Variants in NAALADL2 observed in about 807,000 individuals in gnomAD.
NAALADL2 encodes inactive N-acetylated-alpha-linked acidic dipeptidase-like protein 2.
A neutral mutation model predicts 87.2 loss-of-function variants in NAALADL2; 76 were observed. The ratio of observed to expected loss-of-function variants is 0.87; its 90% CI spans 0.72 to 1.05. NAALADL2 has a LOEUF of 1.05. NAALADL2 is among the 50% of genes least tolerant of loss of function. NAALADL2 has a pLI of 0.00. For synonymous variants in NAALADL2, 354 were observed against 331.0 expected (o/e 1.07, Z -0.75); for missense variants, 1,089 against 945.8 (o/e 1.15, Z -1.99).
intron 1 of NAALADL2, among the ~76,000 whole-genome samples, chr3:174,526,856 T>C (rs965457003): frequency 5.7e-4 from 87 of 152,100 alleles, no homozygotes; most frequent in Admixed American, 5.4e-3. Context: ...TTTGTATTTT[T>C]ATTGGAGACG....
In NAALADL2 at chr3:175,790,240, C is replaced by G. The variant is rs866482438; in HGVS notation, c.2190-12765C>G. On this transcript the variant is annotated intron_variant, in intron 13 of 13. Transcript: ENST00000454872. ...TCTTCAGTGAAGCAGGGTCTGTGAA[C>G]AGGAGTCTGAGTAATGACAGATCTC... Among the ~76,000 whole-genome samples the G allele has an allele frequency of 4.6e-5, 7 of 152,174 alleles. 1 individual carries two copies. The highest frequency in any genetic ancestry group is 6.8e-3 in the Middle Eastern group (2 of 294).
intron 13 of NAALADL2, among the ~76,000 whole-genome samples, chr3:175,783,988 T>G (rs1057105635): frequency 1.4e-5 from 2 of 142,598 alleles, no homozygotes; most frequent in African/African-American, 2.8e-5. Context: ...TGGCTCTGTT[T>G]ATATGCTGGA....
At chr3:175,068,743 G>T (rs1304931559) in intron 1 of NAALADL2, among the ~76,000 whole-genome samples, 1 of 152,022 alleles carries the variant, frequency 6.6e-6, no homozygotes, top group Non-Finnish European at 1.5e-5. Context: ...ATAATTTATT[G>T]GTTTGTAAAC....
At chr3:175,464,647 T>C (rs1723701212) in intron 7 of NAALADL2, among the ~76,000 whole-genome samples, 1 of 152,150 alleles carries the variant, frequency 6.6e-6, no homozygotes, top group Non-Finnish European at 1.5e-5. Flanking sequence ...TTTCCATGAC[T>C]TTAGTAAAAT....
At chr3:175,349,287 GTATGTT>G (rs1165745467) in intron 5 of NAALADL2, among the ~76,000 whole-genome samples, 1 of 151,572 alleles carries the variant, frequency 6.6e-6, no homozygotes, top group Non-Finnish European at 1.5e-5. Flanking sequence ...CAGATCTGAA[GTATGTT>G]AAGCAACAAC....
rs528525177 is a variant in NAALADL2 at position 174,953,600 on chromosome 3, G to T, written c.43+94150G>T. Among the ~76,000 whole-genome samples, 31 of 152,006 alleles carry T rather than the reference G, an allele frequency of 2.0e-4. No homozygotes were observed. In the South Asian group the frequency reaches 6.2e-3, roughly 30 times the overall value. On this transcript the variant is annotated intron_variant, in intron 1 of 13. Transcript: ENST00000454872. ...AAATTTGGCTGGGTAGGTAGAGTGG[G>T]AGGATGCAGCCATGAATATATACAC... is the stretch of plus-strand genomic sequence containing the variant.
chr3:174,837,223 TAA>T (rs1723437199), intron 3 of NAALADL2, among the ~76,000 whole-genome samples: 1 of 152,108 alleles, frequency 6.6e-6, no homozygotes, highest in African/African-American at 2.4e-5. Flanking sequence ...TTTGAAAAGA[TAA>T]ATACAATTGA....
chr3:174,711,357 T>C (rs1385282831), intron 2 of NAALADL2, among the ~76,000 whole-genome samples: 2 of 152,192 alleles, frequency 1.3e-5, no homozygotes, highest in African/African-American at 4.8e-5. Context: ...CCCACCTCCA[T>C]GCAGGTAAAA....
At chr3:174,469,746 T>C (rs1440663610) in intron 1 of NAALADL2, among the ~76,000 whole-genome samples, 1 of 152,046 alleles carries the variant, frequency 6.6e-6, no homozygotes, top group Non-Finnish European at 1.5e-5. Context: ...ATTTTAAGGA[T>C]AGTGAAGCTC....
At chr3:175,475,801 T>G (rs1725612727) in intron 9 of NAALADL2, among the ~76,000 whole-genome samples, 1 of 152,144 alleles carries the variant, frequency 6.6e-6, no homozygotes, top group African/African-American at 2.4e-5. Flanking sequence ...CACTGTAACC[T>G]TAAACACCTG....
intron 3 of NAALADL2, among the ~76,000 whole-genome samples, chr3:174,795,818 T>C (rs1007279482): frequency 6.6e-6 from 1 of 152,230 alleles, no homozygotes; most frequent in African/African-American, 2.4e-5. Context: ...TTATTGGTCA[T>C]TTGCATATCT....
At chr3:175,393,264 G>A (rs1414161225) in intron 5 of NAALADL2, among the ~76,000 whole-genome samples, 1 of 100,434 alleles carries the variant, frequency 1.0e-5, no homozygotes, top group Non-Finnish European at 1.8e-5. Context: ...CTGGGCGACA[G>A]AGCGAGACTC....
chr3:174,623,236 C>T (rs1721215056), intron 2 of NAALADL2, among the ~76,000 whole-genome samples: 1 of 152,156 alleles, frequency 6.6e-6, no homozygotes, highest in Non-Finnish European at 1.5e-5. Flanking sequence ...TAAGCAGATA[C>T]TTGGAACACT....
chr3:175,454,100 A>T (rs1443168647), intron 6 of NAALADL2, among the ~76,000 whole-genome samples: 1 of 152,016 alleles, frequency 6.6e-6, no homozygotes, highest in Non-Finnish European at 1.5e-5. Context: ...TGTCTCATTA[A>T]TAGCAAATAA....
chr3:174,885,932 T>C (rs1003582656), intron 1 of NAALADL2, among the ~76,000 whole-genome samples: 1 of 114,606 alleles, frequency 8.7e-6, no homozygotes, highest in East Asian at 2.8e-4. Context: ...TTTTTTTTTT[T>C]AGATGGAGTC....
chr3:175,223,422 T>G (rs182093110), intron 2 of NAALADL2, among the ~76,000 whole-genome samples: 61 of 152,116 alleles, frequency 4.0e-4, no homozygotes, highest in Admixed American at 4.0e-3. Context: ...ATTAGCATAG[T>G]ATCCTCCAGG....
intron 2 of NAALADL2, among the ~76,000 whole-genome samples, chr3:175,138,413 C>T (rs1486072082): frequency 6.6e-6 from 1 of 151,992 alleles, no homozygotes; most frequent in Non-Finnish European, 1.5e-5. Flanking sequence ...AGATTAACAT[C>T]TTCTAGTAAT....
chr3:175,638,694 T>C (rs1728875798), intron 11 of NAALADL2, among the ~76,000 whole-genome samples: 1 of 152,158 alleles, frequency 6.6e-6, no homozygotes, highest in Non-Finnish European at 1.5e-5. Flanking sequence ...ATTCCAAATA[T>C]TTTACTTTAA....
intron 1 of NAALADL2, among the ~76,000 whole-genome samples, chr3:175,018,445 C>T (rs1012834674): frequency 2.0e-5 from 3 of 151,916 alleles, no homozygotes; most frequent in African/African-American, 7.2e-5. Flanking sequence ...TTTATTTATA[C>T]TGCAAATGTT....
Sources: gnomAD v4.1 joint callset for allele counts (sites outside exome capture counted in the v4.1 genomes callset) on GRCh38, gnomAD v4.1.1 for gene constraint, MANE v1.5 for transcripts, NCBI Gene and HGNC (gene_info 2026-07-23, HGNC 2026-07-21) for gene names.